Variants in SH3GL3 observed in about 807,000 individuals in gnomAD.
SH3GL3 encodes the protein SH3 domain containing GRB2 like 3, endophilin A3, also known as endophilin-A3.
SH3GL3 carries 33 observed loss-of-function variants against 47.7 expected under a neutral mutation model. The ratio of observed to expected loss-of-function variants is 0.69; its 90% confidence interval spans 0.52 to 0.92. The LOEUF is 0.92. Ranked by LOEUF, SH3GL3 falls within the 40% of genes least tolerant of loss-of-function variation. The pLI, the probability that SH3GL3 is intolerant of heterozygous loss-of-function variation, is 0.00. For synonymous variants in SH3GL3, 155 were observed against 148.8 expected (o/e 1.04, Z -0.30); for missense variants, 363 against 417.8 (o/e 0.87, Z 1.14).
At chr15:83,602,839 T>G (rs1239078743) in intron 8 of SH3GL3, among the ~76,000 whole-genome samples, 1 of 152,162 alleles carries the variant, frequency 6.6e-6, no homozygotes, top group African/African-American at 2.4e-5. Flanking sequence ...CTCCTAGATT[T>G]GCTCTCTGAG....
Position 83,458,441 on chromosome 15 carries a change from C to T in SH3GL3, c.45+10863C>T, listed in dbSNP as rs944282543. Among the ~76,000 whole-genome samples the T allele has an allele frequency of 2.6e-5, 4 of 152,128 alleles. No homozygotes were observed. In the East Asian group the frequency reaches 5.8e-4, roughly 22 times the overall value. ...CCAGTGGATAATGGTGTCTTTTCCC[C>T]GTCCCTGGCTACATCTTCCTCAGAC... On this transcript the variant is annotated intron_variant, in intron 1 of 8. Coordinates refer to ENST00000427482, the MANE Select transcript of SH3GL3 (RefSeq NM_003027.5).
chr15:83,468,667 C>G (rs1185801996), intron 1 of SH3GL3, among the ~76,000 whole-genome samples: 1 of 152,084 alleles, frequency 6.6e-6, no homozygotes, highest in African/African-American at 2.4e-5. Flanking sequence ...AATTGATTTT[C>G]AAAAACTGAA....
intron 1 of SH3GL3, among the ~76,000 whole-genome samples, chr15:83,488,553 C>T (rs753202439): frequency 3.4e-4 from 52 of 152,158 alleles, no homozygotes; most frequent in Admixed American, 9.8e-4. Flanking sequence ...TAGAAAAATA[C>T]GCCTCTTCCT....
chr15:83,610,483 G>C (rs981973300), intron 8 of SH3GL3, among the ~76,000 whole-genome samples: 6 of 152,096 alleles, frequency 3.9e-5, no homozygotes, highest in Non-Finnish European at 5.9e-5. Context: ...CAGGCCAATA[G>C]CAGGGCACTG....
intron 8 of SH3GL3, among the ~76,000 whole-genome samples, chr15:83,592,699 C>A (rs903965204): frequency 6.6e-6 from 1 of 152,162 alleles, no homozygotes; most frequent in African/African-American, 2.4e-5. Context: ...TTTAAAAGTT[C>A]TTCTCTCTTG....
At chr15:83,598,335 T>G (rs1286494132) in intron 8 of SH3GL3, among the ~76,000 whole-genome samples, 1 of 152,224 alleles carries the variant, frequency 6.6e-6, no homozygotes, top group East Asian at 1.9e-4. Context: ...GACTTCACTG[T>G]CACAGCATTC....
chr15:83,495,987 G>A (rs564563844), intron 1 of SH3GL3, among the ~76,000 whole-genome samples: 26 of 151,904 alleles, frequency 1.7e-4, no homozygotes, highest in Non-Finnish European at 2.9e-4. Flanking sequence ...AAAAAGGAGC[G>A]GGGAGGAGAA....
At chr15:83,558,194 CT>C (rs954698168) in intron 1 of SH3GL3, among the ~76,000 whole-genome samples, 2 of 152,114 alleles carry the variant, frequency 1.3e-5, no homozygotes, top group African/African-American at 2.4e-5. Context: ...TCCAATTTGT[CT>C]TCCTCGTTCT....
chr15:83,490,264 C>CCT (rs2041819516), intron 1 of SH3GL3, among the ~76,000 whole-genome samples: 1 of 141,526 alleles, frequency 7.1e-6, no homozygotes, highest in Non-Finnish European at 1.5e-5. Flanking sequence ...AGTGATTTTG[C>CCT]GTTTTTTTTT....
At chr15:83,456,664 G>A (rs1005518979) in intron 1 of SH3GL3, among the ~76,000 whole-genome samples, 44 of 141,538 alleles carry the variant, frequency 3.1e-4, no homozygotes, top group Non-Finnish European at 4.3e-4. Flanking sequence ...GCCCTGCTTC[G>A]GCTCGCGCAC....
chr15:83,609,872 A>C (rs2060618330), intron 8 of SH3GL3, among the ~76,000 whole-genome samples: 1 of 152,062 alleles, frequency 6.6e-6, no homozygotes, highest in African/African-American at 2.4e-5. Context: ...AGAGAGAGAA[A>C]ATGAGAAGGC....
intron 1 of SH3GL3, among the ~76,000 whole-genome samples, chr15:83,546,224 C>T (rs1747962783): frequency 1.3e-5 from 2 of 151,070 alleles, no homozygotes. Flanking sequence ...TGTACTGTGG[C>T]TGAGCCGCTA....
chr15:83,550,873 G>GA (rs1434338762), intron 1 of SH3GL3, among the ~76,000 whole-genome samples: 7 of 152,248 alleles, frequency 4.6e-5, no homozygotes, highest in Admixed American at 2.0e-4. Flanking sequence ...ACACATACTG[G>GA]AAAATACTAT....
the SH3GL3 span, among the ~76,000 whole-genome samples, chr15:83,627,191 A>ATC: frequency 1.3e-5 from 2 of 152,132 alleles, no homozygotes; most frequent in African/African-American, 2.4e-5. Flanking sequence ...AGGTCAGCAG[A>ATC]CAGAGACCAT....
chr15:83,579,264 G>C (rs759382030), intron 6 of SH3GL3, among the ~76,000 whole-genome samples: 4 of 152,194 alleles, frequency 2.6e-5, no homozygotes, highest in African/African-American at 9.6e-5. Context: ...GCCTTGCTCC[G>C]GCCTGGTTGC....
chr15:83,493,553 G>A (rs2041962514), intron 1 of SH3GL3, among the ~76,000 whole-genome samples: 1 of 152,106 alleles, frequency 6.6e-6, no homozygotes, highest in African/African-American at 2.4e-5. Context: ...CCATGCTGGT[G>A]GCCTTCACCT....
chr15:83,528,881 T>A (rs2043539825), intron 1 of SH3GL3, among the ~76,000 whole-genome samples: 1 of 152,200 alleles, frequency 6.6e-6, no homozygotes, highest in African/African-American at 2.4e-5. Context: ...CTCTTTCATG[T>A]TTCTTGTGTT....
intron 1 of SH3GL3, among the ~76,000 whole-genome samples, chr15:83,547,923 C>G (rs1039701018): frequency 1.6e-4 from 23 of 146,924 alleles, no homozygotes; most frequent in African/African-American, 5.3e-4. Flanking sequence ...TCATTCTTTG[C>G]TTCTTTCTCC....
chr15:83,592,937 C>CA lies in SH3GL3; in HGVS notation c.838+4176dup, dbSNP rs66650179. Among the ~76,000 whole-genome samples, 59 of 150,450 alleles carry CA rather than the reference C, an allele frequency of 3.9e-4. No individual in the cohort carries two copies. The East Asian group carries it at 5.1e-3, about 13-fold the overall frequency. On this transcript the variant is annotated intron_variant, in intron 8 of 8. Transcript: ENST00000427482. ...CATCGGTTTAATAAAAAAGAACAAACAAAAAAAAAACAGTTCTGGGGCCTC... is the reference window on the plus strand; with the variant it reads ...CATCGGTTTAATAAAAAAGAACAAACAAAAAAAAAAACAGTTCTGGGGCCTC...
Sources: allele counts gnomAD v4.1 joint callset (sites outside exome capture counted in the v4.1 genomes callset), GRCh38; gene constraint gnomAD v4.1.1; transcripts MANE v1.5; gene names NCBI Gene and HGNC (gene_info 2026-07-23, HGNC 2026-07-21).